Variants in ULK4 observed in about 807,000 individuals in gnomAD.
ULK4 encodes inactive serine/threonine-protein kinase ULK4.
In ULK4, 133 loss-of-function variants were observed where a neutral mutation model predicts 160.6. The observed-to-expected ratio is 0.83, with a 90% confidence interval of 0.72 to 0.96. The LOEUF (loss-of-function observed/expected upper bound fraction) is 0.96, where lower values mean the gene tolerates loss of function less well. ULK4 is among the 40% of genes least tolerant of loss of function. The pLI is 0.00. For synonymous variants in ULK4, 534 were observed against 539.8 expected (o/e 0.99, Z 0.15); for missense variants, 1,580 against 1,499.5 (o/e 1.05, Z -0.89).
intron 17 of ULK4, among the ~76,000 whole-genome samples, chr3:41,856,776 C>T (rs2042375102): frequency 6.6e-6 from 1 of 151,326 alleles, no homozygotes. Context: ...CGTAGTGGTG[C>T]ACCTCTGTGG....
chr3:41,422,588 C>CTT (rs11415934), intron 34 of ULK4, among the ~76,000 whole-genome samples: 9 of 151,600 alleles, frequency 5.9e-5, no homozygotes, highest in East Asian at 3.9e-4. Context: ...CCTGTATTTC[C>CTT]TTTTTTTTCT....
chr3:41,348,165 C>T (rs1243611995), intron 35 of ULK4, among the ~76,000 whole-genome samples: 3 of 129,130 alleles, frequency 2.3e-5, no homozygotes, highest in African/African-American at 3.0e-5. Flanking sequence ...GCTGAGATTA[C>T]ACCATTGCAC....
chr3:41,308,142 C>T (rs3912577), intron 35 of ULK4, among the ~76,000 whole-genome samples: 12,068 of 152,104 alleles, frequency 0.079, 1,209 homozygotes, highest in African/African-American at 0.23. Context: ...CTGACATCAG[C>T]AGCTATGGCC....
chr3:41,615,870 T>C (rs1187730931), intron 30 of ULK4, among the ~76,000 whole-genome samples, 153 bp from the exon 31 acceptor site: 1 of 152,334 alleles, frequency 6.6e-6, no homozygotes, highest in Admixed American at 6.5e-5. Context: ...GACACTGAAC[T>C]ATAGCTATTA....
chr3:41,844,054 G>A (rs192696779), intron 17 of ULK4, among the ~76,000 whole-genome samples: 2 of 152,174 alleles, frequency 1.3e-5, no homozygotes, highest in Non-Finnish European at 2.9e-5. Context: ...CCCTTAGCTA[G>A]ACATAAAGGT....
At chr3:41,305,283 C>T (rs1022582335) in intron 35 of ULK4, among the ~76,000 whole-genome samples, 1 of 151,408 alleles carries the variant, frequency 6.6e-6, no homozygotes, top group Non-Finnish European at 1.5e-5. Flanking sequence ...CATGCTGAGC[C>T]GAAGCTGGAC....
intron 32 of ULK4, among the ~76,000 whole-genome samples, chr3:41,496,091 TAAATA>T (rs2084978420): frequency 1.3e-5 from 2 of 151,984 alleles, no homozygotes; most frequent in Admixed American, 1.3e-4. Flanking sequence ...GTAAACATAT[TAAATA>T]AGAGAAAAAG....
chr3:41,720,619 T>C (rs763946004), intron 22 of ULK4, among the ~76,000 whole-genome samples: 40 of 151,810 alleles, frequency 2.6e-4, no homozygotes, highest in Non-Finnish European at 5.0e-4. Context: ...GCAGTACACA[T>C]AGAAGAAAAT....
At chr3:41,333,740 C>A (rs919318750) in intron 35 of ULK4, among the ~76,000 whole-genome samples, 1 of 152,026 alleles carries the variant, frequency 6.6e-6, no homozygotes, top group Non-Finnish European at 1.5e-5. Flanking sequence ...GCTGGCTGTT[C>A]GGGATAGAAA....
intron 2 of ULK4, among the ~76,000 whole-genome samples, chr3:41,953,304 A>ATATT (rs1181182812): frequency 0.013 from 1,650 of 124,796 alleles, 25 homozygotes; most frequent in Non-Finnish European, 0.018. Context: ...ATATATATAT[A>ATATT]TTTTTTTTTT....
chr3:41,917,382 T>C (rs961468031), intron 7 of ULK4, among the ~76,000 whole-genome samples: 4 of 152,098 alleles, frequency 2.6e-5, no homozygotes, highest in Non-Finnish European at 5.9e-5. Flanking sequence ...TGTGCCCCTA[T>C]AGTCCCGGCT....
chr3:41,757,120 A>C (rs1173955304), intron 21 of ULK4, among the ~76,000 whole-genome samples: 3 of 152,184 alleles, frequency 2.0e-5, no homozygotes, highest in Non-Finnish European at 4.4e-5. Flanking sequence ...ATAAATATCA[A>C]TAACTAAGAA....
At chr3:41,840,063 G>A (rs893168786) in intron 17 of ULK4, among the ~76,000 whole-genome samples, 1 of 152,060 alleles carries the variant, frequency 6.6e-6, no homozygotes, top group African/African-American at 2.4e-5. Flanking sequence ...ATTCTTTATA[G>A]ATATCAAAAT....
At chr3:41,820,817 A>G (rs1355989881) in intron 18 of ULK4, among the ~76,000 whole-genome samples, 1 of 152,222 alleles carries the variant, frequency 6.6e-6, no homozygotes, top group African/African-American at 2.4e-5. Context: ...GTACATTACT[A>G]ATCCAAAAGT....
At chr3:41,533,198 G>A (rs915226555) in intron 32 of ULK4, among the ~76,000 whole-genome samples, 3 of 151,372 alleles carry the variant, frequency 2.0e-5, no homozygotes, top group African/African-American at 7.2e-5. Flanking sequence ...AACACACCAC[G>A]GAGCCCAGAC....
chr3:41,921,601 C>T (rs1171799675), intron 5 of ULK4, among the ~76,000 whole-genome samples: 1 of 151,838 alleles, frequency 6.6e-6, no homozygotes, highest in East Asian at 1.9e-4. Flanking sequence ...GACAACAGAG[C>T]GAGACTCCGT....
chr3:41,667,175 C>T (rs1047490294), intron 29 of ULK4, among the ~76,000 whole-genome samples: 1 of 150,916 alleles, frequency 6.6e-6, no homozygotes, highest in Admixed American at 6.6e-5. Flanking sequence ...AAGAAAAACA[C>T]ACACACAAAA....
In ULK4 at chr3:41,773,566, T is replaced by A. The variant is rs548424440; in HGVS notation, c.2193+16095A>T. ...ACTACAAACCACTGCTCAATGAAAT[T>A]AAAGAGGATACAAACAAATGGAAGA... On this transcript the variant is annotated intron_variant, in intron 21 of 36. Transcript: ENST00000301831. Among the ~76,000 whole-genome samples, 381 of 152,022 alleles carry A rather than the reference T, an allele frequency of 2.5e-3. 1 individual carries two copies. The highest frequency in any genetic ancestry group is 0.017 in the Middle Eastern group (5 of 292).
intron 22 of ULK4, among the ~76,000 whole-genome samples, chr3:41,752,807 A>G (rs1364550092): frequency 6.6e-6 from 1 of 152,212 alleles, no homozygotes; most frequent in Non-Finnish European, 1.5e-5. Context: ...TCCCCAATTG[A>G]GCAAAATGTT....
Sources: allele counts gnomAD v4.1 joint callset (sites outside exome capture counted in the v4.1 genomes callset), GRCh38; gene constraint gnomAD v4.1.1; transcripts MANE v1.5; gene names NCBI Gene and HGNC (gene_info 2026-07-23, HGNC 2026-07-21).